The following PARD3B variants were observed in gnomAD, a reference collection of about 807,000 sequenced individuals.
PARD3B encodes the protein partitioning defective 3 homolog B.
PARD3B carries 103 observed loss-of-function variants against 130.2 expected under a neutral mutation model. That is an observed-to-expected ratio of 0.79 (90% CI 0.67 to 0.93). The LOEUF (loss-of-function observed/expected upper bound fraction) is 0.93. Ranked by LOEUF, PARD3B falls within the 40% of genes least tolerant of loss-of-function variation. The pLI is 0.00. For missense variants in PARD3B, 1,609 were observed against 1,499.2 expected, an observed-to-expected ratio of 1.07 and a Z score of -1.21; for synonymous variants, 583 against 553.2, an observed-to-expected ratio of 1.05 and a Z score of -0.76.
intron 11 of PARD3B, among the ~76,000 whole-genome samples, chr2:205,167,660 A>G (rs185272359): frequency 1.3e-3 from 191 of 152,352 alleles, no homozygotes; most frequent in Non-Finnish European, 2.2e-3. Context: ...CACAGAGTAG[A>G]AACTCTTTGT....
At chr2:205,296,697 G>T (rs979683679) in intron 16 of PARD3B, among the ~76,000 whole-genome samples, 1 of 143,718 alleles carries the variant, frequency 7.0e-6, no homozygotes, top group African/African-American at 2.7e-5. Flanking sequence ...GTGTGTGTGT[G>T]TTCATTCTTT....
chr2:204,851,466 G>T (rs1319400872), intron 2 of PARD3B, among the ~76,000 whole-genome samples: 4 of 152,132 alleles, frequency 2.6e-5, no homozygotes, highest in Non-Finnish European at 5.9e-5. Context: ...GGTAAACATT[G>T]CACCAAACTA....
chr2:205,165,437 G>A (rs2034752220), intron 11 of PARD3B, among the ~76,000 whole-genome samples: 1 of 151,664 alleles, frequency 6.6e-6, no homozygotes, highest in African/African-American at 2.4e-5. Context: ...ATTTTAAAAT[G>A]AAAAGATTTA....
intron 2 of PARD3B, among the ~76,000 whole-genome samples, chr2:204,845,724 G>T (rs1477121764): frequency 6.6e-6 from 1 of 152,008 alleles, no homozygotes; most frequent in Admixed American, 6.6e-5. Flanking sequence ...GATTTCCGTT[G>T]ATTTTATTTC....
At chr2:204,785,950 T>G (rs2058987) in intron 2 of PARD3B, among the ~76,000 whole-genome samples, 114,571 of 151,468 alleles carry the variant, frequency 0.76, 46,605 homozygotes, top group Non-Finnish European at 0.89. Context: ...CCATCTCTAC[T>G]AAAAATACAA....
intron 10 of PARD3B, among the ~76,000 whole-genome samples, chr2:205,148,458 A>G (rs1323018674): frequency 2.6e-5 from 4 of 152,138 alleles, no homozygotes; most frequent in African/African-American, 7.2e-5. Flanking sequence ...TCTGAATTTT[A>G]TATAATCCAA....
chr2:205,199,047 G>A (rs1330840342), intron 15 of PARD3B, among the ~76,000 whole-genome samples: 1 of 152,048 alleles, frequency 6.6e-6, no homozygotes, highest in African/African-American at 2.4e-5. Flanking sequence ...TTGTATAATA[G>A]ACAAGTATAC....
rs1383644337 is a variant in PARD3B, at chr2:205,176,579, T to TA, written c.1924+4dup. Reference sequence around the variant, plus strand: ...GCAGTCCACAAGACAAACAGAAAGGTAAGAGTCTATTCATTTTATCCACTG... The same window carrying TA: ...GCAGTCCACAAGACAAACAGAAAGGTAAAGAGTCTATTCATTTTATCCACTG... On this transcript the variant is annotated splice_region_variant and intron_variant, in intron 13 of 22. Coordinates refer to ENST00000406610, the MANE Select transcript of PARD3B (RefSeq NM_001302769.2). This position sits in a 1 kb window ranked among gnomAD's most constrained non-coding sequence, Gnocchi z 5.3. 6.3e-7 allele frequency: 1 copy of TA among 1,599,078 alleles called. No homozygotes were observed. The highest frequency in any genetic ancestry group is 8.5e-7 in the Non-Finnish European group (1 of 1,174,594).
At position 204,623,325 on chromosome 2, in the gene PARD3B, G is replaced by T. The variant is rs528556973; in HGVS notation, c.121-62856G>T. On this transcript the variant is annotated intron_variant, in intron 1 of 22. Transcript: ENST00000406610. This position sits in a 1 kb window ranked among gnomAD's most constrained non-coding sequence, Gnocchi z 4.5. ...TAAAATGTGAGTATAGCTCGATGTTGTTACCTGTATAGATTAATGTCACCA... is the reference window on the plus strand; with the variant it reads ...TAAAATGTGAGTATAGCTCGATGTTTTTACCTGTATAGATTAATGTCACCA... Among the ~76,000 whole-genome samples the T allele has an allele frequency of 1.1e-4, 17 of 152,166 alleles. No individual in the cohort carries two copies. Among genetic ancestry groups the T allele is most frequent in the African/African-American group, 3.9e-4 (16 of 41,534 alleles).
At chr2:204,668,908 A>G (rs1362741385) in intron 1 of PARD3B, among the ~76,000 whole-genome samples, 1 of 152,160 alleles carries the variant, frequency 6.6e-6, no homozygotes, top group Non-Finnish European at 1.5e-5. Context: ...AGCAGGAGAG[A>G]AGGTCAGACT....
intron 3 of PARD3B, among the ~76,000 whole-genome samples, chr2:205,034,800 A>G (rs1429694069): frequency 6.6e-6 from 1 of 152,178 alleles, no homozygotes; most frequent in Non-Finnish European, 1.5e-5. Context: ...TTAACACATG[A>G]AAATATCTCG....
At chr2:205,273,621 C>A (rs1040405366) in intron 16 of PARD3B, among the ~76,000 whole-genome samples, 1 of 152,152 alleles carries the variant, frequency 6.6e-6, no homozygotes, top group Non-Finnish European at 1.5e-5. Flanking sequence ...CGTAAGAGTT[C>A]ACTAACTCCT....
At chr2:205,303,876 G>A (rs1482232077) in intron 18 of PARD3B, among the ~76,000 whole-genome samples, 1 of 152,144 alleles carries the variant, frequency 6.6e-6, no homozygotes, top group Non-Finnish European at 1.5e-5. Context: ...ACAGGCAGAA[G>A]TACCCCTTTC....
chr2:204,928,403 A>G (rs919430482), intron 2 of PARD3B, among the ~76,000 whole-genome samples: 5 of 152,130 alleles, frequency 3.3e-5, no homozygotes, highest in African/African-American at 1.2e-4. Flanking sequence ...TCTGCTTTTG[A>G]TGAAAGGAGT....
At chr2:205,526,234 C>A (rs113242012) in intron 21 of PARD3B, among the ~76,000 whole-genome samples, 7 of 152,206 alleles carry the variant, frequency 4.6e-5, no homozygotes, top group African/African-American at 1.4e-4. Flanking sequence ...ATAGTCACAT[C>A]TGGGTGTCTG....
chr2:205,266,696 T>TAACTGCTTAACTAGATTTG (rs1194069852), intron 16 of PARD3B, among the ~76,000 whole-genome samples: 1 of 152,128 alleles, frequency 6.6e-6, no homozygotes, highest in African/African-American at 2.4e-5. Context: ...GATTTTGGCT[T>TAACTGCTTAACTAGATTTG]AACTGCTTAA....
chr2:205,031,937 G>A (rs1697457293), intron 3 of PARD3B, among the ~76,000 whole-genome samples: 1 of 152,126 alleles, frequency 6.6e-6, no homozygotes, highest in African/African-American at 2.4e-5. Context: ...AGCCATTCCT[G>A]TGCCTCTCAA....
intron 4 of PARD3B, among the ~76,000 whole-genome samples, chr2:205,092,612 C>A (rs1021963537): frequency 5.3e-5 from 8 of 151,944 alleles, no homozygotes; most frequent in Admixed American, 1.3e-4. Flanking sequence ...CTACCTTGAC[C>A]CACGATTAAG....
intron 22 of PARD3B, among the ~76,000 whole-genome samples, chr2:205,577,141 T>G (rs927274416): frequency 1.3e-4 from 20 of 152,228 alleles, no homozygotes; most frequent in Admixed American, 7.2e-4. Context: ...ATTAATTTTG[T>G]CTTCTGCAAC....
Sources: allele counts gnomAD v4.1 joint callset (sites outside exome capture counted in the v4.1 genomes callset), GRCh38; gene constraint gnomAD v4.1.1; non-coding constraint Gnocchi (gnomAD v3.1); transcripts MANE v1.5; gene names NCBI Gene and HGNC (gene_info 2026-07-23, HGNC 2026-07-21).